Variants in INPP4B observed in about 807,000 individuals in gnomAD.
The protein encoded by INPP4B is inositol polyphosphate 4-phosphatase type II.
INPP4B carries 55 observed loss-of-function variants against 122.5 expected under a neutral mutation model. That is an observed-to-expected ratio of 0.45 (90% CI 0.36 to 0.56). INPP4B has a LOEUF of 0.56. INPP4B is among the 20% of genes least tolerant of loss of function. The probability of loss-of-function intolerance (pLI) is 0.00; values close to 1 mark genes in which losing one functional copy is unlikely to be tolerated. For synonymous variants in INPP4B, 403 were observed against 388.7 expected, an observed-to-expected ratio of 1.04 and a Z score of -0.43; for missense variants, 1,000 against 1,097.7, an observed-to-expected ratio of 0.91 and a Z score of 1.26.
chr4:142,459,226 C>G (rs1280943550), intron 3 of INPP4B, among the ~76,000 whole-genome samples: 13 of 149,242 alleles, frequency 8.7e-5, no homozygotes, highest in Non-Finnish European at 1.8e-4. Flanking sequence ...CTTTCACTGG[C>G]TGTGTTTCAG....
intron 12 of INPP4B, among the ~76,000 whole-genome samples, chr4:142,217,746 G>C (rs762764066): frequency 2.0e-5 from 3 of 152,122 alleles, no homozygotes; most frequent in African/African-American, 7.2e-5. Context: ...CATTTGAATC[G>C]GTAGCCTCAA....
At chr4:142,678,343 G>A (rs867507312) in intron 2 of INPP4B, among the ~76,000 whole-genome samples, 5 of 151,938 alleles carry the variant, frequency 3.3e-5, no homozygotes, top group Middle Eastern at 3.4e-3. Flanking sequence ...CATGATACCC[G>A]ATAATATGCA....
rs76586182 is a variant in INPP4B, at chr4:142,629,620, T to A, written c.-191+96219A>T. On this transcript the variant is annotated intron_variant, in intron 2 of 25. Transcript: ENST00000262992. ...TAGTTTGCACAACAGAACATATTTCTAGTCAATAAAACAATATAGAGCCAT... is the reference window on the plus strand; with the variant it reads ...TAGTTTGCACAACAGAACATATTTCAAGTCAATAAAACAATATAGAGCCAT... Among the ~76,000 whole-genome samples, 34 of 152,122 alleles carry A rather than the reference T, an allele frequency of 2.2e-4. 1 individual carries two copies. The East Asian group carries it at 6.0e-3, about 27-fold the overall frequency.
intron 2 of INPP4B, among the ~76,000 whole-genome samples, chr4:142,493,441 G>A (rs1476440725): frequency 6.6e-6 from 1 of 152,204 alleles, no homozygotes; most frequent in African/African-American, 2.4e-5. Flanking sequence ...GCCTGTGAAA[G>A]CAGCCAGTAG....
intron 1 of INPP4B, among the ~76,000 whole-genome samples, chr4:142,794,293 T>C (rs1222762574): frequency 1.3e-5 from 2 of 151,902 alleles, no homozygotes; most frequent in Non-Finnish European, 2.9e-5. Flanking sequence ...ATGGTGGAGA[T>C]TAGGGATAGA....
At chr4:142,476,467 G>C (rs772717569) in intron 2 of INPP4B, among the ~76,000 whole-genome samples, 1 of 151,964 alleles carries the variant, frequency 6.6e-6, no homozygotes, top group Non-Finnish European at 1.5e-5. Context: ...ACAAGGACAG[G>C]CTCAAACCTT....
At chr4:142,152,799 T>G (rs1173319706) in intron 17 of INPP4B, among the ~76,000 whole-genome samples, 1 of 152,160 alleles carries the variant, frequency 6.6e-6, no homozygotes, top group African/African-American at 2.4e-5. Context: ...CCTGCATCCT[T>G]AGAATATCTT....
intron 2 of INPP4B, among the ~76,000 whole-genome samples, chr4:142,468,826 G>T (rs924319336): frequency 1.3e-5 from 2 of 152,024 alleles, no homozygotes; most frequent in South Asian, 4.1e-4. Flanking sequence ...AAATAATCCA[G>T]CCTCAGGTGT....
intron 1 of INPP4B, among the ~76,000 whole-genome samples, chr4:142,737,319 C>T: frequency 6.6e-6 from 1 of 152,094 alleles, no homozygotes; most frequent in East Asian, 1.9e-4. Context: ...ATATCTACAA[C>T]CATCTGATCT....
chr4:142,515,118 A>G (rs79045264), intron 2 of INPP4B, among the ~76,000 whole-genome samples: 1 of 152,172 alleles, frequency 6.6e-6, no homozygotes, highest in African/African-American at 2.4e-5. Context: ...TAAATATTGT[A>G]TGTATATAAA....
chr4:142,332,296 T>A (rs1399933187), intron 7 of INPP4B, among the ~76,000 whole-genome samples: 1 of 152,192 alleles, frequency 6.6e-6, no homozygotes. Context: ...GGCTTTATTT[T>A]CCGTTTAAAA....
chr4:142,078,840 C>T (rs1772266657), intron 25 of INPP4B, among the ~76,000 whole-genome samples: 1 of 151,846 alleles, frequency 6.6e-6, no homozygotes, highest in Non-Finnish European at 1.5e-5. Flanking sequence ...AGAAAATAGC[C>T]TGGAAGGTGA....
At chr4:142,156,735 A>G (rs1372187544) in intron 17 of INPP4B, among the ~76,000 whole-genome samples, 1 of 152,130 alleles carries the variant, frequency 6.6e-6, no homozygotes, top group Non-Finnish European at 1.5e-5. Context: ...CAAGTTGAAA[A>G]GAGAAAGGAC....
At chr4:142,248,290 C>G (rs146939437) in intron 11 of INPP4B, among the ~76,000 whole-genome samples, 30 of 151,730 alleles carry the variant, frequency 2.0e-4, no homozygotes, top group African/African-American at 5.8e-4. Flanking sequence ...CGTTCCTCCC[C>G]CTCCTTTCCC....
chr4:142,674,288 T>C (rs1757410243), intron 2 of INPP4B, among the ~76,000 whole-genome samples: 3 of 152,152 alleles, frequency 2.0e-5, no homozygotes, highest in Non-Finnish European at 4.4e-5. Flanking sequence ...ATCTGTTTCC[T>C]GGGTCTTCTG....
intron 2 of INPP4B, among the ~76,000 whole-genome samples, chr4:142,620,588 A>T (rs1744691891): frequency 6.6e-6 from 1 of 151,980 alleles, no homozygotes. Flanking sequence ...AATAGTATGT[A>T]CAACAAACCC....
intron 2 of INPP4B, among the ~76,000 whole-genome samples, chr4:142,505,975 G>A (rs1226972548): frequency 1.3e-5 from 2 of 152,076 alleles, no homozygotes; most frequent in African/African-American, 4.8e-5. Context: ...CCACATGCCA[G>A]GCTCTGTGTT....
At chr4:142,777,925 T>C (rs998325170) in intron 1 of INPP4B, among the ~76,000 whole-genome samples, 1 of 152,082 alleles carries the variant, frequency 6.6e-6, no homozygotes, top group African/African-American at 2.4e-5. Context: ...CAGTATGAAA[T>C]GAAAATGTGG....
chr4:142,839,540 T>C (rs936203703), intron 1 of INPP4B, among the ~76,000 whole-genome samples: 1 of 152,210 alleles, frequency 6.6e-6, no homozygotes, highest in Non-Finnish European at 1.5e-5. Flanking sequence ...GTTTGGACTT[T>C]TAAAGTAAAA....
Sources: gnomAD v4.1 joint callset for allele counts (sites outside exome capture counted in the v4.1 genomes callset) on GRCh38, gnomAD v4.1.1 for gene constraint, MANE v1.5 for transcripts, NCBI Gene and HGNC (gene_info 2026-07-23, HGNC 2026-07-21) for gene names.